PRKG1: variants seen among roughly 807,000 people sequenced by gnomAD.
PRKG1 encodes the protein protein kinase cGMP-dependent 1.
In PRKG1, 35 loss-of-function variants were observed where a neutral mutation model predicts 88.1. The observed-to-expected ratio is 0.40, with a 90% CI of 0.30 to 0.53. The LOEUF (loss-of-function observed/expected upper bound fraction) is 0.53. PRKG1 is among the 20% of genes least tolerant of loss of function. PRKG1 has a pLI of 0.59. For synonymous variants in PRKG1, 303 were observed against 292.5 expected, an observed-to-expected ratio of 1.04 and a Z score of -0.37; for missense variants, 540 against 839.8, an observed-to-expected ratio of 0.64 and a Z score of 4.41.
chr10:51,087,821 G>A (rs1357737997), intron 1 of PRKG1, among the ~76,000 whole-genome samples: 1 of 152,210 alleles, frequency 6.6e-6, no homozygotes, highest in Non-Finnish European at 1.5e-5. Context: ...ATAGTGTGCA[G>A]TGGTGCGATC....
intron 1 of PRKG1, among the ~76,000 whole-genome samples, chr10:50,993,265 T>C (rs117124432): frequency 5.3e-5 from 8 of 152,312 alleles, no homozygotes; most frequent in Non-Finnish European, 1.2e-4. Context: ...TTGTGGGACC[T>C]TCTGAACAGC....
chr10:51,111,389 C>T (rs535001460), intron 1 of PRKG1, among the ~76,000 whole-genome samples: 99 of 152,230 alleles, frequency 6.5e-4, no homozygotes, highest in Admixed American at 1.6e-3. Context: ...GTATCCATCC[C>T]CTCCAGCCTT....
At chr10:51,835,138 G>C (rs899861566) in intron 4 of PRKG1, among the ~76,000 whole-genome samples, 2 of 152,132 alleles carry the variant, frequency 1.3e-5, no homozygotes, top group Non-Finnish European at 2.9e-5. Flanking sequence ...AGATTATGGG[G>C]CTTTGGCTTA....
rs1843036835 is a variant in PRKG1 at position 51,014,778 on chromosome 10, G to T, written c.266+23134G>T. Among the ~76,000 whole-genome samples the T allele has an allele frequency of 3.9e-5, 6 of 152,088 alleles. No individual in the cohort carries two copies. The South Asian group carries it at 1.2e-3, about 32-fold the overall frequency. On this transcript the variant is annotated intron_variant, in intron 1 of 17. Transcript: ENST00000401604. Reference sequence around the variant, plus strand: ...TTATGTGTCAATTAAATTTTTTAAAGAAATTTTAGACAGATGAAGGGCTGA... The same window carrying T: ...TTATGTGTCAATTAAATTTTTTAAATAAATTTTAGACAGATGAAGGGCTGA...
chr10:51,680,679 A>T (rs1173422967), intron 3 of PRKG1, among the ~76,000 whole-genome samples: 2 of 152,214 alleles, frequency 1.3e-5, no homozygotes, highest in African/African-American at 4.8e-5. Flanking sequence ...CTATAGTACT[A>T]TGGTGCTACA....
intron 2 of PRKG1, among the ~76,000 whole-genome samples, chr10:51,420,184 A>G (rs758749061): frequency 8.5e-5 from 13 of 152,152 alleles, no homozygotes; most frequent in African/African-American, 1.4e-4. Context: ...GGAGCAGGCA[A>G]TTTGCATGGT....
chr10:51,323,253 A>T (rs1299768581), intron 2 of PRKG1, among the ~76,000 whole-genome samples: 1 of 152,236 alleles, frequency 6.6e-6, no homozygotes, highest in Non-Finnish European at 1.5e-5. Context: ...CTCAAAAATT[A>T]TATGAAATAA....
chr10:52,107,419 A>C (rs1172823872), intron 7 of PRKG1, among the ~76,000 whole-genome samples: 1 of 152,174 alleles, frequency 6.6e-6, no homozygotes, highest in African/African-American at 2.4e-5. Context: ...AAATATTATA[A>C]ATTCTTAAAT....
At chr10:51,644,180 A>G (rs1352491939) in intron 3 of PRKG1, among the ~76,000 whole-genome samples, 2 of 152,230 alleles carry the variant, frequency 1.3e-5, no homozygotes, top group African/African-American at 4.8e-5. Context: ...AATTTATGAC[A>G]TAGTTTAACA....
At chr10:51,504,222 C>A (rs1385496896) in intron 3 of PRKG1, among the ~76,000 whole-genome samples, 1 of 152,036 alleles carries the variant, frequency 6.6e-6, no homozygotes, top group Non-Finnish European at 1.5e-5. Context: ...CTGGCACAGA[C>A]CTCTTGACAC....
At chr10:51,240,180 A>G (rs924866796) in intron 2 of PRKG1, among the ~76,000 whole-genome samples, 9 of 152,218 alleles carry the variant, frequency 5.9e-5, no homozygotes, top group Non-Finnish European at 1.2e-4. Flanking sequence ...TTGTTAAATA[A>G]AAAATAGATA....
chr10:51,153,051 T>G (rs940301888), intron 1 of PRKG1, 113 bp from the exon 2 acceptor site: 1 of 649,226 alleles, frequency 1.5e-6, no homozygotes, highest in Non-Finnish European at 2.2e-6. Context: ...ATTGGATTCC[T>G]AACAAGAAAA....
At chr10:52,022,311 C>T (rs1013877180) in intron 5 of PRKG1, among the ~76,000 whole-genome samples, 2 of 152,186 alleles carry the variant, frequency 1.3e-5, no homozygotes, top group Non-Finnish European at 2.9e-5. Context: ...TGGGACATAA[C>T]CCCATCGTAA....
chr10:52,262,292 G>C (rs1337897762), intron 10 of PRKG1, among the ~76,000 whole-genome samples: 1 of 151,918 alleles, frequency 6.6e-6, no homozygotes, highest in Non-Finnish European at 1.5e-5. Flanking sequence ...TTGTTTTTGA[G>C]ATAGAGTCTT....
chr10:51,857,664 A>C (rs76270651), intron 4 of PRKG1, among the ~76,000 whole-genome samples: 11,914 of 152,208 alleles, frequency 0.078, 939 homozygotes, highest in African/African-American at 0.2. Flanking sequence ...CAGGGCAATC[A>C]GCGGAAGGGA....
intron 4 of PRKG1, among the ~76,000 whole-genome samples, chr10:51,884,812 A>T (rs1841529232): frequency 6.6e-6 from 1 of 151,984 alleles, no homozygotes; most frequent in Non-Finnish European, 1.5e-5. Flanking sequence ...CCTTATTTTG[A>T]CCTTATTTTT....
At chr10:51,863,260 T>TGGTGCATCTCATATTGCCCC (rs1188429011) in intron 4 of PRKG1, among the ~76,000 whole-genome samples, 2 of 152,214 alleles carry the variant, frequency 1.3e-5, no homozygotes, top group Non-Finnish European at 2.9e-5. Context: ...AATGGTCCAC[T>TGGTGCATCTCATATTGCCCC]GGTGCATCTC....
intron 3 of PRKG1, among the ~76,000 whole-genome samples, chr10:51,714,156 T>G (rs968493745): frequency 1.3e-5 from 2 of 152,128 alleles, no homozygotes; most frequent in Non-Finnish European, 2.9e-5. Context: ...ATTTTTTGTA[T>G]TTTTAGTAGA....
At chr10:51,223,835 G>C (rs1322468607) in intron 2 of PRKG1, among the ~76,000 whole-genome samples, 1 of 152,134 alleles carries the variant, frequency 6.6e-6, no homozygotes, top group Admixed American at 6.5e-5. Context: ...TGCAAATACT[G>C]TGCTGAAGAA....
Sources: allele counts gnomAD v4.1 joint callset (sites outside exome capture counted in the v4.1 genomes callset), GRCh38; gene constraint gnomAD v4.1.1; transcripts MANE v1.5; gene names NCBI Gene and HGNC (gene_info 2026-07-23, HGNC 2026-07-21).